ENPP6: variants seen among roughly 807,000 people sequenced by gnomAD.
ENPP6 encodes the protein glycerophosphocholine cholinephosphodiesterase ENPP6.
Under a neutral mutation model 42.0 loss-of-function variants are expected in ENPP6, and 32 were observed. The observed-to-expected ratio is 0.76, with a 90% CI of 0.58 to 1.02. The LOEUF is 1.02. ENPP6 is among the 50% of genes least tolerant of loss of function. ENPP6 has a pLI of 0.00. For synonymous variants in ENPP6, 213 were observed against 216.0 expected, an observed-to-expected ratio of 0.99 and a Z score of 0.12; for missense variants, 552 against 566.8, an observed-to-expected ratio of 0.97 and a Z score of 0.27.
chr4:184,130,391 T>C (rs569607956), intron 2 of ENPP6, among the ~76,000 whole-genome samples: 11 of 140,232 alleles, frequency 7.8e-5, no homozygotes, highest in Admixed American at 2.9e-4. Flanking sequence ...ACCCTGTCTC[T>C]ACTAAAAACA....
intron 1 of ENPP6, among the ~76,000 whole-genome samples, chr4:184,167,733 T>C (rs1486283639): frequency 1.3e-5 from 2 of 152,208 alleles, no homozygotes; most frequent in African/African-American, 2.4e-5. Context: ...GGTGCGCCCA[T>C]AGAGAAGTGA....
Position 184,149,799 on chromosome 4 carries a change from G to C in ENPP6, c.421+3755C>G, listed in dbSNP as rs181014163. On this transcript the variant is annotated intron_variant, in intron 2 of 7. Coordinates refer to ENST00000296741, the MANE Select transcript of ENPP6 (RefSeq NM_153343.4). ...AAAATAAACTTAAAAACTGCTGCCA[G>C]CATGTAAGGTGGCCCTGCTTATCCA... is the stretch of plus-strand genomic sequence containing the variant. Among the ~76,000 whole-genome samples, 1,467 of 152,262 alleles carry C rather than the reference G, an allele frequency of 9.6e-3. 12 individuals are homozygous for C. The highest frequency in any genetic ancestry group is 0.02 in the Middle Eastern group (6 of 294).
chr4:184,109,270 A>C (rs1246073079), intron 6 of ENPP6, among the ~76,000 whole-genome samples: 1 of 152,166 alleles, frequency 6.6e-6, no homozygotes, highest in African/African-American at 2.4e-5. Context: ...AAGAACTAAC[A>C]ATATCCATGA....
chr4:184,143,718 C>T (rs568230865), intron 2 of ENPP6, among the ~76,000 whole-genome samples: 15 of 152,306 alleles, frequency 9.8e-5, no homozygotes, highest in African/African-American at 3.6e-4. Flanking sequence ...GCGGGGTCTG[C>T]AGAGAGGGGG....
At chr4:184,210,267 C>A (rs1420379266) in intron 1 of ENPP6, among the ~76,000 whole-genome samples, 1 of 148,300 alleles carries the variant, frequency 6.7e-6, no homozygotes, top group African/African-American at 2.5e-5. Flanking sequence ...GGACTAAATG[C>A]TCCAGTTAAA....
intron 1 of ENPP6, among the ~76,000 whole-genome samples, chr4:184,205,906 G>A (rs868431404): frequency 6.6e-6 from 1 of 152,128 alleles, no homozygotes; most frequent in Middle Eastern, 3.2e-3. Context: ...GAAACTGAGA[G>A]AGGACAGGGT....
rs1185120625 is a variant in ENPP6 at position 184,088,707 on chromosome 4, G to A, written c.*2470C>T. 1.3e-5 allele frequency: 2 copies of A among 152,156 alleles called. No homozygotes were observed. Among genetic ancestry groups the A allele is most frequent in the African/African-American group, 4.8e-5 (2 of 41,434 alleles). 9.4% of individuals were successfully genotyped at this position (152,156 alleles called of 1,614,324 possible). On this transcript the variant is annotated 3_prime_UTR_variant, in exon 8 of 8. Transcript: ENST00000296741. ...AATAATTAAGCCATAAAAAATATATGCATTATTTAAGTAAAAAGCTTTATT... is the reference window on the plus strand; with the variant it reads ...AATAATTAAGCCATAAAAAATATATACATTATTTAAGTAAAAAGCTTTATT...
intron 6 of ENPP6, among the ~76,000 whole-genome samples, chr4:184,106,248 T>C (rs1179912643): frequency 6.6e-6 from 1 of 151,986 alleles, no homozygotes; most frequent in Non-Finnish European, 1.5e-5. Context: ...TTGGCCAGGC[T>C]GGTCTCGAAA....
intron 1 of ENPP6, among the ~76,000 whole-genome samples, chr4:184,180,510 G>A (rs1732534559): frequency 6.6e-6 from 1 of 151,978 alleles, no homozygotes; most frequent in African/African-American, 2.4e-5. Context: ...CTCATTTTAT[G>A]AGGCCAGCAT....
chr4:184,105,364 C>A (rs968375951), intron 6 of ENPP6, among the ~76,000 whole-genome samples: 4 of 152,196 alleles, frequency 2.6e-5, no homozygotes, highest in Admixed American at 6.5e-5. Flanking sequence ...CAAGATGTAG[C>A]TCTAGACCCC....
chr4:184,133,334 A>C (rs1320510385), intron 2 of ENPP6, among the ~76,000 whole-genome samples: 3 of 152,128 alleles, frequency 2.0e-5, no homozygotes, highest in African/African-American at 7.2e-5. Flanking sequence ...TTTTGATATT[A>C]AGTTCTTGAG....
At chr4:184,153,460 A>G in intron 2 of ENPP6, 94 bp downstream of exon 2, 2 of 1,388,954 alleles carry the variant, frequency 1.4e-6, no homozygotes, top group African/African-American at 1.5e-5. Flanking sequence ...CATTTTCCAA[A>G]CCACGGCTTG....
intron 6 of ENPP6, among the ~76,000 whole-genome samples, chr4:184,101,994 G>A (rs1196755286): frequency 2.6e-5 from 4 of 152,192 alleles, no homozygotes; most frequent in African/African-American, 7.2e-5. Flanking sequence ...GCACTCCATC[G>A]CCAGCTCCCC....
intron 1 of ENPP6, among the ~76,000 whole-genome samples, chr4:184,208,993 CA>C (rs1180622249): frequency 7.0e-6 from 1 of 142,522 alleles, no homozygotes; most frequent in Non-Finnish European, 1.5e-5. Flanking sequence ...CCTCACACGG[CA>C]GGGTATTCCA....
intron 5 of ENPP6, among the ~76,000 whole-genome samples, chr4:184,114,949 A>T (rs2111344573): frequency 6.6e-6 from 1 of 152,278 alleles, no homozygotes; most frequent in African/African-American, 2.4e-5. Flanking sequence ...CTGGGGATGG[A>T]GCAAGGCTGG....
At chr4:184,132,031 T>C (rs1004454702) in intron 2 of ENPP6, among the ~76,000 whole-genome samples, 1 of 152,132 alleles carries the variant, frequency 6.6e-6, no homozygotes, top group Admixed American at 6.5e-5. Flanking sequence ...CTGAAGCGAT[T>C]AGGTAGGAAG....
chr4:184,193,950 C>T (rs779076109), intron 1 of ENPP6, among the ~76,000 whole-genome samples: 33 of 152,136 alleles, frequency 2.2e-4, no homozygotes, highest in Admixed American at 7.2e-4. Flanking sequence ...GAAGCTTTGC[C>T]TTTCCTTGAT....
In ENPP6 at chr4:184,116,917, T is replaced by G; in HGVS notation, c.794A>C (p.Gln265Pro). The G allele has an allele frequency of 6.2e-7, 1 of 1,614,224 alleles. No homozygotes were observed. Among genetic ancestry groups the G allele is most frequent in the Non-Finnish European group, 8.5e-7 (1 of 1,180,044 alleles). Residue 265 changes from glutamine to proline, a missense_variant, in exon 5 of 8, where the codon CAG (glutamine) becomes CCG (proline). Physicochemically the swap from Gln to Pro is moderately conservative, Grantham distance 76. Around this residue, in one of 2 missense-constraint regions of ENPP6, gnomAD observed 545 missense variants for 546.3 expected, o/e 1.00. Coordinates refer to ENST00000296741, the MANE Select transcript of ENPP6 (RefSeq NM_153343.4). Reference protein sequence around the residue: ...LNKYISLNDLQQVKDRGPVVS... With the variant: ...LNKYISLNDLPQVKDRGPVVS... Reference sequence around the variant, plus strand: ...AACAGGCCCGCGGTCCTTCACTTGCTGCAGGTCATTCAGGCTGATGTACTT... The same window carrying G: ...AACAGGCCCGCGGTCCTTCACTTGCGGCAGGTCATTCAGGCTGATGTACTT...
At chr4:184,198,939 C>T (rs1561008975) in intron 1 of ENPP6, among the ~76,000 whole-genome samples, 1 of 152,206 alleles carries the variant, frequency 6.6e-6, no homozygotes, top group Non-Finnish European at 1.5e-5. Flanking sequence ...CTCCAACTGG[C>T]AAGTACCCTA....
Sources: gnomAD v4.1 joint callset for allele counts (sites outside exome capture counted in the v4.1 genomes callset) on GRCh38, gnomAD v4.1.1 for gene constraint, gnomAD v4.1.1 regional missense constraint, MANE v1.5 for transcripts, NCBI Gene and HGNC (gene_info 2026-07-23, HGNC 2026-07-21) for gene names.